COLQ: variants seen among roughly 807,000 people sequenced by gnomAD.
COLQ encodes collagen like tail subunit of asymmetric acetylcholinesterase.
COLQ carries 48 observed loss-of-function variants against 69.0 expected under a neutral mutation model. The observed-to-expected ratio is 0.70, with a 90% CI of 0.55 to 0.88. The LOEUF (loss-of-function observed/expected upper bound fraction) is 0.88, where lower values mean the gene tolerates loss of function less well. COLQ is among the 40% of genes least tolerant of loss of function. COLQ has a pLI of 0.00. For synonymous variants in COLQ, 217 were observed against 211.2 expected, an observed-to-expected ratio of 1.03 and a Z score of -0.24; for missense variants, 618 against 594.6, an observed-to-expected ratio of 1.04 and a Z score of -0.41.
In COLQ at chr3:15,477,120, A is replaced by T; in HGVS notation, c.465+6T>A. On this transcript the variant is annotated splice_donor_region_variant and intron_variant, in intron 6 of 16. Transcript: ENST00000383788. ...CGCATGAGCCCTGAGAGCATGCCAC[A>T]CTTACCCTGGGTCCTTCAGGGCCTG... 1 of 1,598,632 alleles carries T rather than the reference A, an allele frequency of 6.3e-7. No individual in the cohort carries two copies. The highest frequency in any genetic ancestry group is 8.5e-7 in the Non-Finnish European group (1 of 1,172,884).
intron 16 of COLQ, 145 bp from the exon 17 acceptor site, chr3:15,451,858 T>C: frequency 2.7e-6 from 2 of 745,958 alleles, no homozygotes; most frequent in South Asian, 1.5e-5. Context: ...CCTGGGGGAG[T>C]TGAATCATGT....
chr3:15,504,612 G>A (rs1404373671), intron 1 of COLQ, among the ~76,000 whole-genome samples: 6 of 152,228 alleles, frequency 3.9e-5, no homozygotes, highest in Admixed American at 1.3e-4. Flanking sequence ...TAATCCCAGC[G>A]CTTTGGGAGG....
intron 12 of COLQ, among the ~76,000 whole-genome samples, chr3:15,463,697 T>C (rs986304825): frequency 1.3e-5 from 2 of 152,108 alleles, no homozygotes; most frequent in Non-Finnish European, 2.9e-5. Context: ...AGAGAGTCCC[T>C]TCTGAAGGCA....
intron 1 of COLQ, among the ~76,000 whole-genome samples, chr3:15,492,646 G>A (rs1230863283): frequency 2.0e-5 from 3 of 149,080 alleles, no homozygotes; most frequent in East Asian, 2.0e-4. Flanking sequence ...CAGCCTGAGC[G>A]ACAGAGCGAG....
chr3:15,515,899 T>C (rs1218364681), intron 1 of COLQ, among the ~76,000 whole-genome samples: 1 of 152,230 alleles, frequency 6.6e-6, no homozygotes, highest in Non-Finnish European at 1.5e-5. Flanking sequence ...CTCTGTTCAC[T>C]CTGGAGCTGT....
chr3:15,515,883 G>A (rs75638579), intron 1 of COLQ, among the ~76,000 whole-genome samples: 6,195 of 152,304 alleles, frequency 0.041, 289 homozygotes, highest in Admixed American at 0.14. Context: ...CGAAGCCAGA[G>A]CGGCTCTCTG....
intron 1 of COLQ, among the ~76,000 whole-genome samples, chr3:15,490,553 T>C (rs749010737): frequency 3.3e-5 from 5 of 152,276 alleles, no homozygotes; most frequent in Non-Finnish European, 7.3e-5. Context: ...TCTTTTAACA[T>C]AGTGTCTATG....
At chr3:15,515,831 T>C (rs968754767) in intron 1 of COLQ, among the ~76,000 whole-genome samples, 2 of 152,022 alleles carry the variant, frequency 1.3e-5, no homozygotes, top group Admixed American at 1.3e-4. Flanking sequence ...AAAAATAAAA[T>C]AAAATAAAGA....
chr3:15,514,804 G>A (rs2063036400), intron 1 of COLQ, among the ~76,000 whole-genome samples: 1 of 152,244 alleles, frequency 6.6e-6, no homozygotes, highest in African/African-American at 2.4e-5. Flanking sequence ...GGGGTTAAGA[G>A]CAGACTTGGT....
At chr3:15,477,281 G>A in intron 5 of COLQ, 84 bp from the exon 6 acceptor site, 1 of 1,265,814 alleles carries the variant, frequency 7.9e-7, no homozygotes, top group African/African-American at 1.5e-5. Context: ...GGGGCCCAGA[G>A]GAGACAGTGG....
At chr3:15,478,711 A>C in intron 5 of COLQ, 2 of 580,118 alleles carry the variant, frequency 3.4e-6, no homozygotes, top group Non-Finnish European at 6.2e-6. Flanking sequence ...TGGGGCGGGA[A>C]GTGAGAGGGG....
chr3:15,457,297 A>G (rs2062039221), intron 13 of COLQ, among the ~76,000 whole-genome samples: 1 of 151,988 alleles, frequency 6.6e-6, no homozygotes, highest in African/African-American at 2.4e-5. Flanking sequence ...CCAATAAGCA[A>G]TAGGTTGGTT....
At chr3:15,476,571 G>A (rs1057404312) in intron 6 of COLQ, among the ~76,000 whole-genome samples, 1 of 152,186 alleles carries the variant, frequency 6.6e-6, no homozygotes, top group Non-Finnish European at 1.5e-5. Flanking sequence ...GACTTCTGCA[G>A]ATAAAACTCT....
At chr3:15,471,083 G>A (rs1162583422) in intron 10 of COLQ, among the ~76,000 whole-genome samples, 3 of 152,194 alleles carry the variant, frequency 2.0e-5, no homozygotes, top group African/African-American at 7.2e-5. Context: ...ATTGGACACT[G>A]TTTTGCCAGC....
intron 12 of COLQ, among the ~76,000 whole-genome samples, chr3:15,460,791 CAG>C (rs1262798670): frequency 2.0e-5 from 3 of 152,168 alleles, no homozygotes; most frequent in Non-Finnish European, 2.9e-5. Flanking sequence ...CCCAGAGAGA[CAG>C]GGAATCCACC....
chr3:15,455,997 T>G lies in COLQ; in HGVS notation c.1097A>C (p.Asp366Ala), dbSNP rs1412394694. 1 of 1,613,962 alleles carries G rather than the reference T, an allele frequency of 6.2e-7. No individual in the cohort carries two copies. The highest frequency in any genetic ancestry group is 8.5e-7 in the Non-Finnish European group (1 of 1,179,972). Reference sequence around the variant, plus strand: ...GGTGCCGTGCTGGTCTGCAGTGTAATCCACAGGGTAGAAAGGGGTCAGCTG... The same window carrying G: ...GGTGCCGTGCTGGTCTGCAGTGTAAGCCACAGGGTAGAAAGGGGTCAGCTG... The part of the protein sequence containing the change: ...PIQLTPFYPV[D>A]YTADQHGTCG... Residue 366 changes from aspartate to alanine, a missense_variant, in exon 15 of 17, where the codon GAT (aspartate) becomes GCT (alanine). Coordinates refer to ENST00000383788, the MANE Select transcript of COLQ (RefSeq NM_005677.4).
Position 15,521,678 on chromosome 3 carries a change from T to C in COLQ, c.-53A>G. 6.2e-7 allele frequency: 1 copy of C among 1,610,546 alleles called. No homozygotes were observed. The highest frequency in any genetic ancestry group is 8.5e-7 in the Non-Finnish European group (1 of 1,178,646). On this transcript the variant is annotated 5_prime_UTR_variant, in exon 1 of 17. Coordinates refer to ENST00000383788, the MANE Select transcript of COLQ (RefSeq NM_005677.4). Reference sequence around the variant, plus strand: ...TTAGAAAGGAGGCTGCTGCGGAGCCTTGCTTATCTCTGCTTTTCTCTTCCT... The same window carrying C: ...TTAGAAAGGAGGCTGCTGCGGAGCCCTGCTTATCTCTGCTTTTCTCTTCCT...
intron 11 of COLQ, among the ~76,000 whole-genome samples, chr3:15,469,949 G>C (rs1377080938): frequency 3.9e-5 from 6 of 152,166 alleles, no homozygotes; most frequent in African/African-American, 1.2e-4. Flanking sequence ...TTATATATGA[G>C]ACAGCTAAGG....
intron 11 of COLQ, chr3:15,468,049 A>C (rs1379384357): frequency 2.3e-6 from 1 of 442,600 alleles, no homozygotes; most frequent in Non-Finnish European, 4.5e-6. Context: ...CACACATCTT[A>C]ATATAGCCAC....
Sources: gnomAD v4.1 joint callset for allele counts (sites outside exome capture counted in the v4.1 genomes callset) on GRCh38, gnomAD v4.1.1 for gene constraint, MANE v1.5 for transcripts, NCBI Gene and HGNC (gene_info 2026-07-23, HGNC 2026-07-21) for gene names.